The following TMIE variants were observed in gnomAD, a reference collection of about 807,000 sequenced individuals.
The protein encoded by TMIE is transmembrane inner ear, also known as transmembrane inner ear expressed protein.
A neutral mutation model predicts 16.8 loss-of-function variants in TMIE; 14 were observed. That is an observed-to-expected ratio of 0.83 (90% confidence interval 0.55 to 1.30). TMIE has a LOEUF of 1.30. Among genes scored for constraint, TMIE ranks in the 50% most tolerant of loss-of-function variants. The pLI is 0.00. For synonymous variants in TMIE, 75 were observed against 87.2 expected (o/e 0.86, Z 0.78); for missense variants, 204 against 205.9 (o/e 0.99, Z 0.06).
chr3:46,697,514 C>T (rs536860941), upstream of TMIE, among the ~76,000 whole-genome samples: 1 of 152,272 alleles, frequency 6.6e-6, no homozygotes, highest in South Asian at 2.1e-4. Flanking sequence ...CTCCATATCT[C>T]GCCCTATGCA....
chr3:46,706,238 G>A (rs1389267992), intron 2 of TMIE, among the ~76,000 whole-genome samples: 1 of 152,188 alleles, frequency 6.6e-6, no homozygotes, highest in Non-Finnish European at 1.5e-5. Flanking sequence ...CCTGCAGTTT[G>A]GCCAGCTTAA....
chr3:46,707,953 C>G (rs571578171), intron 2 of TMIE, among the ~76,000 whole-genome samples: 1 of 152,320 alleles, frequency 6.6e-6, no homozygotes, highest in East Asian at 1.9e-4. Context: ...CAGGACCCAG[C>G]TTCTTGGATA....
rs375470385 is a variant in TMIE at position 46,705,912 on chromosome 3, G to A, written c.211+5G>A. The A allele has an allele frequency of 2.2e-5, 36 of 1,613,334 alleles. No homozygotes were observed. The highest frequency in any genetic ancestry group is 2.7e-5 in the Non-Finnish European group (32 of 1,179,490). ...CGCTCTTCGTGTTGTCCATCAGTGAGTAGCTGTTCCCTTCCCTCTCCACCA... is the reference window on the plus strand; with the variant it reads ...CGCTCTTCGTGTTGTCCATCAGTGAATAGCTGTTCCCTTCCCTCTCCACCA... On this transcript the variant is annotated splice_donor_5th_base_variant and intron_variant, in intron 2 of 3. Transcript: ENST00000643606.
upstream of TMIE, chr3:46,701,322 T>TGGCG: frequency 1.9e-6 from 1 of 520,694 alleles, no homozygotes; most frequent in Non-Finnish European, 3.3e-6. This position sits in a 1 kb window ranked among gnomAD's most constrained non-coding sequence, Gnocchi z 4.3. Context: ...ACCGCAGCGA[T>TGGCG]GGCGGGGGCG....
chr3:46,704,698 G>A (rs1700526864), intron 1 of TMIE, among the ~76,000 whole-genome samples: 1 of 135,242 alleles, frequency 7.4e-6, no homozygotes, highest in African/African-American at 2.9e-5. Context: ...GGTGAAGCAC[G>A]TCCACTAGAC....
chr3:46,708,775 T>A (rs563307347), intron 2 of TMIE, among the ~76,000 whole-genome samples: 40 of 152,176 alleles, frequency 2.6e-4, no homozygotes, highest in Non-Finnish European at 5.3e-4. Flanking sequence ...AAGTGCTGGA[T>A]GGCCCCCAGG....
chr3:46,709,851 C>A lies in TMIE; in HGVS notation c.*163C>A. The A allele has an allele frequency of 7.0e-7, 1 of 1,428,898 alleles. No homozygotes were observed. 88.5% of individuals were successfully genotyped at this position (1,428,898 alleles called of 1,614,324 possible). On this transcript the variant is annotated 3_prime_UTR_variant, in exon 4 of 4. Coordinates refer to ENST00000643606, the MANE Select transcript of TMIE (RefSeq NM_147196.3). Reference sequence around the variant, plus strand: ...CTCATGGCCCATCAGGGGCAGGAACCAGACAATCTCGTAGGTGTCCTGCCC... The same window carrying A: ...CTCATGGCCCATCAGGGGCAGGAACAAGACAATCTCGTAGGTGTCCTGCCC...
intron 2 of TMIE, 115 bp from the exon 3 acceptor site, chr3:46,709,011 G>A (rs1195268751): frequency 1.5e-6 from 2 of 1,372,834 alleles, no homozygotes; most frequent in South Asian, 1.2e-5. Flanking sequence ...TCCTGCCAGG[G>A]TCTGGTGGGT....
rs1256986023 is a variant in TMIE, at chr3:46,710,541, C to T, written c.*853C>T. 6.6e-6 allele frequency: 1 copy of T among 152,314 alleles called. No individual in the cohort carries two copies. The highest frequency in any genetic ancestry group is 1.9e-4 in the East Asian group (1 of 5,198). The allele number at this position is 152,314 out of a possible 1,614,324, so 9.4% of individuals were successfully genotyped here. On this transcript the variant is annotated 3_prime_UTR_variant, in exon 4 of 4. Transcript: ENST00000643606. ...GGACCTCGGGCTGTTCTGGTGGCCC[C>T]TTCTATGCCCAGCTGTGCTGGGAGG...
At chr3:46,707,605 G>A (rs909531837) in intron 2 of TMIE, among the ~76,000 whole-genome samples, 4 of 152,160 alleles carry the variant, frequency 2.6e-5, no homozygotes, top group Non-Finnish European at 5.9e-5. Context: ...CAGCCCCAGG[G>A]ACTTATATCC....
rs1321933149 is a variant in TMIE, at chr3:46,709,808, G to A, written c.*120G>A. On this transcript the variant is annotated 3_prime_UTR_variant, in exon 4 of 4. Coordinates refer to ENST00000643606, the MANE Select transcript of TMIE (RefSeq NM_147196.3). ...GAGGCTGTGGTCAGAGAGGGAAGCTGAGGCCCATGGCCACATCCTCATGGC... is the reference window on the plus strand; with the variant it reads ...GAGGCTGTGGTCAGAGAGGGAAGCTAAGGCCCATGGCCACATCCTCATGGC... The A allele has an allele frequency of 1.2e-5, 18 of 1,564,600 alleles. No homozygotes were observed. Among genetic ancestry groups the A allele is most frequent in the Non-Finnish European group, 1.6e-5 (18 of 1,154,416 alleles).
At chr3:46,698,621 A>G, upstream of TMIE, among the ~76,000 whole-genome samples, 1 of 152,142 alleles carries the variant, frequency 6.6e-6, no homozygotes, top group East Asian at 1.9e-4. Flanking sequence ...TGAAGCTCAG[A>G]GGGGTTAAGT....
At chr3:46,708,987 C>A in intron 2 of TMIE, 139 bp from the exon 3 acceptor site, 2 of 1,142,972 alleles carry the variant, frequency 1.7e-6, no homozygotes, top group Non-Finnish European at 1.3e-6. Flanking sequence ...GGGGTTTTGT[C>A]AAGATGCTGA....
At chr3:46,699,698 A>T (rs1575467229), upstream of TMIE, among the ~76,000 whole-genome samples, 1 of 152,190 alleles carries the variant, frequency 6.6e-6, no homozygotes, top group Non-Finnish European at 1.5e-5. Context: ...TTTCTTTCAG[A>T]TTTCTTCACT....
In TMIE at chr3:46,709,865, G is replaced by A. The variant is rs1700599463; in HGVS notation, c.*177G>A. ...GGGGCAGGAACCAGACAATCTCGTAGGTGTCCTGCCCCCCAGCCTAGGCTT... is the reference window on the plus strand; with the variant it reads ...GGGGCAGGAACCAGACAATCTCGTAAGTGTCCTGCCCCCCAGCCTAGGCTT... On this transcript the variant is annotated 3_prime_UTR_variant, in exon 4 of 4. Transcript: ENST00000643606. 8 of 1,322,132 alleles carry A rather than the reference G, an allele frequency of 6.1e-6. No homozygotes were observed. Among genetic ancestry groups the A allele is most frequent in the Non-Finnish European group, 8.3e-6 (8 of 962,570 alleles). 81.9% of individuals were successfully genotyped at this position (1,322,132 alleles called of 1,614,324 possible). A position where few individuals can be genotyped will look rare whatever the true frequency, so the allele number is the denominator to read the frequency against.
At chr3:46,704,783 TCCCTAGACACCCAGGGTGAAGCATGTC>T (rs1700529627) in intron 1 of TMIE, among the ~76,000 whole-genome samples, 1 of 108,618 alleles carries the variant, frequency 9.2e-6, no homozygotes, top group Admixed American at 1.0e-4. Context: ...CAGGGTCATG[TCCCTAGACACCCAGGGTGAAGCATGTC>T]CCCTAGACAC....
chr3:46,699,818 C>T (rs919657142), upstream of TMIE, among the ~76,000 whole-genome samples: 1 of 152,214 alleles, frequency 6.6e-6, no homozygotes, highest in Non-Finnish European at 1.5e-5. Context: ...CACTGCCTGT[C>T]CTGCTAAGGA....
chr3:46,705,620 A>G (rs992445190), intron 1 of TMIE, among the ~76,000 whole-genome samples, 170 bp from the exon 2 acceptor site: 2 of 152,124 alleles, frequency 1.3e-5, no homozygotes, highest in Non-Finnish European at 2.9e-5. Context: ...TCTTGCTCTA[A>G]ATCTGGAACT....
At position 46,709,615 on chromosome 3, in the gene TMIE, G is replaced by A. The variant is rs1185865315; in HGVS notation, c.398G>A (p.Ser133Asn). 6.2e-7 allele frequency: 1 copy of A among 1,612,188 alleles called. No individual in the cohort carries two copies. Among genetic ancestry groups the A allele is most frequent in the South Asian group, 1.1e-5 (1 of 91,034 alleles). The change falls in exon 4 of 4, where the codon AGT (serine) becomes AAT (asparagine). Residue 133 changes from serine (S) to asparagine (N), a missense_variant. Coordinates refer to ENST00000643606, the MANE Select transcript of TMIE (RefSeq NM_147196.3). Reference protein sequence around the residue: ...KKKKKKKKKDSVDTVAIKVEE... With the variant: ...KKKKKKKKKDNVDTVAIKVEE... ...AAGAAGAAGAAGAAGAAGAAGGACA[G>A]TGTGGACACAGTGGCCATCAAAGTA...
Sources: allele counts gnomAD v4.1 joint callset (sites outside exome capture counted in the v4.1 genomes callset), GRCh38; gene constraint gnomAD v4.1.1; non-coding constraint Gnocchi (gnomAD v3.1); transcripts MANE v1.5; gene names NCBI Gene and HGNC (gene_info 2026-07-23, HGNC 2026-07-21).